The following SPATA13 variants were observed in gnomAD, a reference collection of about 807,000 sequenced individuals.
The protein encoded by SPATA13 is spermatogenesis associated 13, also known as spermatogenesis-associated protein 13.
A neutral mutation model predicts 104.0 loss-of-function variants in SPATA13; 50 were observed. The ratio of observed to expected loss-of-function variants is 0.48; its 90% CI spans 0.38 to 0.61. The LOEUF is 0.61. Among genes scored for constraint, SPATA13 ranks in the 20% least tolerant of loss-of-function variants. The pLI, the probability that SPATA13 is intolerant of heterozygous loss-of-function variation, is 0.00. For synonymous variants in SPATA13, 606 were observed against 667.5 expected, an observed-to-expected ratio of 0.91 and a Z score of 1.42; for missense variants, 1,524 against 1,690.6, an observed-to-expected ratio of 0.90 and a Z score of 1.73.
rs1879823018 is a variant in SPATA13 at position 24,088,923 on chromosome 13, G to A, written c.-112+71222G>A. Reference sequence around the variant, plus strand: ...GGTTCCTGTGCAGCAGGCAAAAGAGGTGGAAGGGAATGATCTGGGTCTGGA... The same window carrying A: ...GGTTCCTGTGCAGCAGGCAAAAGAGATGGAAGGGAATGATCTGGGTCTGGA... On this transcript the variant is annotated intron_variant, in intron 3 of 14. Coordinates refer to the SPATA13 transcript ENST00000424834. The surrounding 1 kb of genome is among the most constrained non-coding windows in gnomAD (Gnocchi z 4.3). Among the ~76,000 whole-genome samples the A allele has an allele frequency of 6.6e-6, 1 of 152,218 alleles. No homozygotes were observed. Among genetic ancestry groups the A allele is most frequent in the Non-Finnish European group, 1.5e-5 (1 of 68,048 alleles).
chr13:24,235,275 G>T (rs1233161920), intron 2 of SPATA13, among the ~76,000 whole-genome samples: 3 of 152,174 alleles, frequency 2.0e-5, no homozygotes, highest in African/African-American at 7.2e-5. Context: ...CAGAAATTTG[G>T]ACTATCAGCA....
rs114517235 is a variant in SPATA13, at chr13:24,129,013, G to A, written c.-111-93806G>A. On this transcript the variant is annotated intron_variant, in intron 3 of 14. Coordinates refer to the SPATA13 transcript ENST00000424834. ...AGTGGGTGACAAACTCTACACCGGG[G>A]TAAGTGACCCTTTCTGTTGTTGTCA... is the stretch of plus-strand genomic sequence containing the variant. Among the ~76,000 whole-genome samples, 1,423 of 152,328 alleles carry A rather than the reference G, an allele frequency of 9.3e-3. 18 individuals carry two copies. The highest frequency in any genetic ancestry group is 0.032 in the African/African-American group (1,349 of 41,570).
chr13:24,020,007 C>A (rs1876904747), intron 3 of SPATA13, among the ~76,000 whole-genome samples: 1 of 152,156 alleles, frequency 6.6e-6, no homozygotes, highest in Admixed American at 6.5e-5. Context: ...TACCTTTAAG[C>A]TCTATCTTTA....
intron 3 of SPATA13, among the ~76,000 whole-genome samples, chr13:24,023,790 G>A (rs1877085739): frequency 1.3e-5 from 2 of 152,218 alleles, no homozygotes; most frequent in Middle Eastern, 3.2e-3. Flanking sequence ...TCCCTGAGAA[G>A]CCTCCAGAAG....
intron 2 of SPATA13, among the ~76,000 whole-genome samples, chr13:24,234,346 G>A (rs898808541): frequency 1.3e-5 from 2 of 152,134 alleles, no homozygotes; most frequent in African/African-American, 2.4e-5. Context: ...ATACAGAAAG[G>A]TACACTTCCA....
intron 2 of SPATA13, among the ~76,000 whole-genome samples, chr13:23,995,690 G>GA (rs1035563455): frequency 6.6e-6 from 1 of 152,110 alleles, no homozygotes; most frequent in East Asian, 1.9e-4. Context: ...AAAATCTCCT[G>GA]AAAAAATTAG....
chr13:24,243,241 ACGT>A (rs1566169308), intron 2 of SPATA13, among the ~76,000 whole-genome samples: 1 of 152,204 alleles, frequency 6.6e-6, no homozygotes, highest in African/African-American at 2.4e-5. Flanking sequence ...ATATGTTACT[ACGT>A]TACGGCTCTT....
chr13:24,096,727 G>C (rs975333986), intron 3 of SPATA13, among the ~76,000 whole-genome samples: 27 of 152,174 alleles, frequency 1.8e-4, no homozygotes, highest in African/African-American at 6.3e-4. Context: ...GGGGGGACTG[G>C]AAAAGAGCAT....
chr13:24,004,061 C>T (rs1459987831), intron 2 of SPATA13, among the ~76,000 whole-genome samples: 1 of 152,144 alleles, frequency 6.6e-6, no homozygotes, highest in Admixed American at 6.5e-5. Context: ...TCCTGGTGGG[C>T]ACTCCTGGGC....
intron 3 of SPATA13, among the ~76,000 whole-genome samples, chr13:24,025,098 G>T (rs1877152087): frequency 6.6e-6 from 1 of 151,564 alleles, no homozygotes; most frequent in South Asian, 2.1e-4. Flanking sequence ...CTTCTTTCTA[G>T]AGGTAGCCAC....
intron 3 of SPATA13, among the ~76,000 whole-genome samples, chr13:24,140,159 TA>T (rs1423186981): frequency 1.3e-5 from 2 of 152,008 alleles, no homozygotes; most frequent in African/African-American, 2.4e-5. Context: ...GCAAATGCCA[TA>T]ATAAGTTAAA....
At chr13:24,260,859 C>G (rs928077507) in intron 4 of SPATA13, among the ~76,000 whole-genome samples, 2 of 152,174 alleles carry the variant, frequency 1.3e-5, no homozygotes, top group South Asian at 4.1e-4. Flanking sequence ...ACACAGGGAG[C>G]CTTGTCCTAC....
At chr13:24,152,065 A>G (rs557570532) in intron 3 of SPATA13, among the ~76,000 whole-genome samples, 45 of 152,324 alleles carry the variant, frequency 3.0e-4, no homozygotes, top group Admixed American at 1.0e-3. Flanking sequence ...AACACACTGA[A>G]CAGTCTTAGT....
intron 2 of SPATA13, among the ~76,000 whole-genome samples, chr13:23,991,282 A>G (rs1055793887): frequency 1.3e-5 from 2 of 152,152 alleles, no homozygotes; most frequent in Admixed American, 1.3e-4. Flanking sequence ...TCTGAGATGT[A>G]AGTGTGGTTT....
At chr13:24,261,360 TC>T (rs1189501601) in intron 4 of SPATA13, among the ~76,000 whole-genome samples, 1 of 152,174 alleles carries the variant, frequency 6.6e-6, no homozygotes, top group Non-Finnish European at 1.5e-5. Context: ...CTTACTCCAT[TC>T]CAGGCAGGTC....
At chr13:24,094,380 C>T (rs1309405173) in intron 3 of SPATA13, among the ~76,000 whole-genome samples, 1 of 152,112 alleles carries the variant, frequency 6.6e-6, no homozygotes, top group African/African-American at 2.4e-5. Flanking sequence ...TTGTGAAAAA[C>T]GGATCAACAT....
At chr13:24,212,574 A>G (rs1278629866) in intron 1 of SPATA13, among the ~76,000 whole-genome samples, 8 of 152,208 alleles carry the variant, frequency 5.3e-5, no homozygotes, top group Non-Finnish European at 1.0e-4. Context: ...ATATCGTTAA[A>G]GTTCTGACAT....
chr13:24,211,212 T>A (rs1870994084), intron 1 of SPATA13, among the ~76,000 whole-genome samples: 1 of 152,210 alleles, frequency 6.6e-6, no homozygotes, highest in South Asian at 2.1e-4. Flanking sequence ...ACAGACTATT[T>A]AACTTCTTCC....
At chr13:24,164,259 T>A (rs1378627968) in intron 1 of SPATA13, among the ~76,000 whole-genome samples, 1 of 152,182 alleles carries the variant, frequency 6.6e-6, no homozygotes, top group African/African-American at 2.4e-5. Flanking sequence ...TAGAGTAGGT[T>A]GCTGTTTTTC....
Sources: gnomAD v4.1 joint callset for allele counts (sites outside exome capture counted in the v4.1 genomes callset) on GRCh38, gnomAD v4.1.1 for gene constraint, Gnocchi (gnomAD v3.1) non-coding constraint, MANE v1.5 for transcripts, NCBI Gene and HGNC (gene_info 2026-07-23, HGNC 2026-07-21) for gene names.